ST8SIA1: variants seen among roughly 807,000 people sequenced by gnomAD.
ST8SIA1 encodes the protein alpha-N-acetylneuraminide alpha-2,8-sialyltransferase.
ST8SIA1 carries 16 observed loss-of-function variants against 35.9 expected under a neutral mutation model. The observed-to-expected ratio is 0.45, with a 90% CI of 0.30 to 0.68. ST8SIA1 has a LOEUF of 0.68. Among genes scored for constraint, ST8SIA1 ranks in the 30% least tolerant of loss-of-function variants. ST8SIA1 has a pLI of 0.09. For missense variants in ST8SIA1, 383 were observed against 453.6 expected (o/e 0.84, Z 1.41); for synonymous variants, 170 against 169.6 (o/e 1.00, Z -0.02).
At chr12:22,303,753 T>C (rs191107710) in intron 1 of ST8SIA1, among the ~76,000 whole-genome samples, 1 of 151,908 alleles carries the variant, frequency 6.6e-6, no homozygotes, top group East Asian at 1.9e-4. Flanking sequence ...ATCAACTCCA[T>C]CCGACTTAAT....
intron 1 of ST8SIA1, among the ~76,000 whole-genome samples, chr12:22,332,632 T>C (rs1352485787): frequency 2.6e-5 from 4 of 152,170 alleles, no homozygotes; most frequent in East Asian, 1.9e-4. Context: ...AATTCAATGA[T>C]GGTAGAGTTC....
intron 4 of ST8SIA1, among the ~76,000 whole-genome samples, chr12:22,228,497 CAT>C (rs539283790): frequency 1.3e-5 from 2 of 152,202 alleles, no homozygotes; most frequent in Admixed American, 1.3e-4. Flanking sequence ...CAGAATGGCA[CAT>C]ACTAACCCAG....
chr12:22,291,589 T>C (rs1350564947), intron 1 of ST8SIA1, among the ~76,000 whole-genome samples: 2 of 152,312 alleles, frequency 1.3e-5, no homozygotes, highest in East Asian at 1.9e-4. Context: ...TCATATCTAA[T>C]CAGGGTATCA....
chr12:22,244,293 AC>A (rs1486437731), intron 4 of ST8SIA1, among the ~76,000 whole-genome samples: 1 of 152,098 alleles, frequency 6.6e-6, no homozygotes, highest in Non-Finnish European at 1.5e-5. Flanking sequence ...TATCCATGTT[AC>A]ACCAGCCTGG....
chr12:22,235,859 T>C (rs1457246175), intron 4 of ST8SIA1, among the ~76,000 whole-genome samples: 1 of 151,574 alleles, frequency 6.6e-6, no homozygotes, highest in Non-Finnish European at 1.5e-5. Flanking sequence ...ACAAACCATG[T>C]TGATCCCAAA....
chr12:22,280,745 T>C (rs1004171073), intron 2 of ST8SIA1, among the ~76,000 whole-genome samples: 1 of 152,238 alleles, frequency 6.6e-6, no homozygotes, highest in Non-Finnish European at 1.5e-5. Flanking sequence ...ACCTCACTTC[T>C]AATCGATTGT....
chr12:22,277,728 C>G (rs944439596), intron 2 of ST8SIA1, among the ~76,000 whole-genome samples: 23 of 152,044 alleles, frequency 1.5e-4, no homozygotes, highest in African/African-American at 5.6e-4. Flanking sequence ...CTTGACTTAA[C>G]CCAGTGGCAG....
intron 1 of ST8SIA1, among the ~76,000 whole-genome samples, chr12:22,317,313 G>A (rs1866533523): frequency 6.6e-6 from 1 of 152,174 alleles, no homozygotes; most frequent in African/African-American, 2.4e-5. Flanking sequence ...AAATGTGGAT[G>A]GGTTATCTAT....
In ST8SIA1 at chr12:22,196,602, T is replaced by C. The variant is rs1187631854; in HGVS notation, c.*4950A>G. On this transcript the variant is annotated 3_prime_UTR_variant, in exon 5 of 5. Transcript: ENST00000396037. Reference sequence around the variant, plus strand: ...GACGCTCTGGGCTTCAGACTTCCTGTGAGTTAGTCTCTAGGACTTTTAAAG... The same window carrying C: ...GACGCTCTGGGCTTCAGACTTCCTGCGAGTTAGTCTCTAGGACTTTTAAAG... The C allele has an allele frequency of 6.6e-6, 1 of 152,216 alleles. No individual in the cohort carries two copies. The highest frequency in any genetic ancestry group is 1.5e-5 in the Non-Finnish European group (1 of 68,040). 9.4% of individuals were successfully genotyped at this position (152,216 alleles called of 1,614,324 possible).
intron 4 of ST8SIA1, 42 bp from the exon 5 acceptor site, chr12:22,202,080 A>G (rs749884008): frequency 6.6e-7 from 1 of 1,518,038 alleles, no homozygotes; most frequent in Non-Finnish European, 8.7e-7. Flanking sequence ...ACCTAGAGAA[A>G]AAGAAACTCA....
At chr12:22,259,474 C>T (rs1158746765) in intron 2 of ST8SIA1, among the ~76,000 whole-genome samples, 7 of 147,190 alleles carry the variant, frequency 4.8e-5, no homozygotes, top group African/African-American at 7.5e-5. Flanking sequence ...ATTTTTTTTT[C>T]TTTTTTTTTT....
At chr12:22,297,831 A>G (rs1866265338) in intron 1 of ST8SIA1, among the ~76,000 whole-genome samples, 1 of 152,150 alleles carries the variant, frequency 6.6e-6, no homozygotes, top group South Asian at 2.1e-4. Flanking sequence ...GTCTTTTTGT[A>G]TGCTAATGAG....
At chr12:22,273,579 G>A (rs541076008) in intron 2 of ST8SIA1, among the ~76,000 whole-genome samples, 2 of 152,070 alleles carry the variant, frequency 1.3e-5, no homozygotes, top group South Asian at 2.1e-4. Flanking sequence ...CTGAGCTAAC[G>A]AGCAAAAAAA....
chr12:22,227,929 G>A (rs190660179), intron 4 of ST8SIA1, among the ~76,000 whole-genome samples: 10 of 152,276 alleles, frequency 6.6e-5, no homozygotes, highest in East Asian at 1.9e-4. Flanking sequence ...GGAGTCATAC[G>A]CAGAATTTAA....
chr12:22,231,556 A>T (rs1865420469), intron 4 of ST8SIA1, among the ~76,000 whole-genome samples: 1 of 151,818 alleles, frequency 6.6e-6, no homozygotes, highest in South Asian at 2.1e-4. Flanking sequence ...ATGCAATAAG[A>T]TTTTTATTTT....
intron 3 of ST8SIA1, among the ~76,000 whole-genome samples, chr12:22,249,712 G>T (rs1865647981): frequency 6.6e-6 from 1 of 152,134 alleles, no homozygotes; most frequent in Admixed American, 6.5e-5. Context: ...TAACTAGGAG[G>T]TATTTATTCC....
intron 1 of ST8SIA1, among the ~76,000 whole-genome samples, chr12:22,331,584 C>G (rs1866765464): frequency 6.6e-6 from 1 of 152,118 alleles, no homozygotes; most frequent in Admixed American, 6.5e-5. Flanking sequence ...AGTTGTGTCT[C>G]CTTAACATGA....
intron 1 of ST8SIA1, among the ~76,000 whole-genome samples, chr12:22,303,001 C>G (rs1360774991): frequency 2.0e-5 from 3 of 152,156 alleles, no homozygotes. Flanking sequence ...GCCCCAACCA[C>G]CTTGGGCACA....
intron 2 of ST8SIA1, among the ~76,000 whole-genome samples, chr12:22,257,512 C>T (rs956442817): frequency 7.9e-5 from 12 of 151,658 alleles, no homozygotes; most frequent in African/African-American, 2.4e-4. Context: ...GAGCGAGCCA[C>T]CGCACCTGGC....
Sources: allele counts gnomAD v4.1 joint callset (sites outside exome capture counted in the v4.1 genomes callset), GRCh38; gene constraint gnomAD v4.1.1; transcripts MANE v1.5; gene names NCBI Gene and HGNC (gene_info 2026-07-23, HGNC 2026-07-21).